Variants in UTRN observed in about 807,000 individuals in gnomAD.
The protein encoded by UTRN is utrophin.
UTRN carries 283 observed loss-of-function variants against 463.9 expected under a neutral mutation model. The ratio of observed to expected loss-of-function variants is 0.61; its 90% confidence interval spans 0.55 to 0.67. The LOEUF (loss-of-function observed/expected upper bound fraction) is 0.67. Ranked by LOEUF, UTRN falls within the 30% of genes least tolerant of loss-of-function variation. UTRN has a pLI of 0.00. For synonymous variants in UTRN, 1,442 were observed against 1,431.5 expected, an observed-to-expected ratio of 1.01 and a Z score of -0.17; for missense variants, 3,922 against 4,084.3, an observed-to-expected ratio of 0.96 and a Z score of 1.08.
chr6:144,711,396 C>T (rs1187580488), intron 53 of UTRN, among the ~76,000 whole-genome samples: 4 of 151,944 alleles, frequency 2.6e-5, no homozygotes, highest in Admixed American at 6.6e-5. Context: ...ATCTTCCCAT[C>T]TAATGACTTC....
chr6:144,389,855 T>A (rs1168139034), intron 2 of UTRN, among the ~76,000 whole-genome samples: 1 of 152,212 alleles, frequency 6.6e-6, no homozygotes, highest in East Asian at 1.9e-4. Context: ...CATCCTGGCC[T>A]CCCAAAGTGC....
chr6:144,658,394 A>G (rs1779538018), intron 51 of UTRN, among the ~76,000 whole-genome samples: 1 of 152,200 alleles, frequency 6.6e-6, no homozygotes, highest in Non-Finnish European at 1.5e-5. Context: ...AATAATACCA[A>G]CATTGTATAC....
intron 51 of UTRN, among the ~76,000 whole-genome samples, chr6:144,626,270 A>G (rs1775931527): frequency 6.6e-6 from 1 of 152,184 alleles, no homozygotes; most frequent in Non-Finnish European, 1.5e-5. Flanking sequence ...AACTCTCCTT[A>G]TCACAGGGTC....
At chr6:144,596,470 T>C (rs1332150854) in intron 51 of UTRN, among the ~76,000 whole-genome samples, 1 of 152,186 alleles carries the variant, frequency 6.6e-6, no homozygotes, top group African/African-American at 2.4e-5. Context: ...GAGTTAATCC[T>C]ATAGGATTAA....
At chr6:144,838,517 T>A (rs2128761607) in intron 71 of UTRN, among the ~76,000 whole-genome samples, 1 of 152,376 alleles carries the variant, frequency 6.6e-6, no homozygotes, top group South Asian at 2.1e-4. Flanking sequence ...CATATATTTG[T>A]CAGCGTATCC....
intron 2 of UTRN, among the ~76,000 whole-genome samples, chr6:144,364,814 G>A (rs1779371537): frequency 6.6e-6 from 1 of 152,218 alleles, no homozygotes; most frequent in Non-Finnish European, 1.5e-5. Flanking sequence ...GGCTGCCCAT[G>A]TTTCTTGGCT....
At chr6:144,782,787 T>A (rs531751144) in intron 61 of UTRN, among the ~76,000 whole-genome samples, 1 of 152,280 alleles carries the variant, frequency 6.6e-6, no homozygotes, top group Non-Finnish European at 1.5e-5. Context: ...AATACGACAG[T>A]ACATTTGTGA....
intron 37 of UTRN, among the ~76,000 whole-genome samples, chr6:144,515,198 C>G (rs1429047726): frequency 6.6e-6 from 1 of 152,200 alleles, no homozygotes; most frequent in Non-Finnish European, 1.5e-5. Flanking sequence ...AGCTGCTGCA[C>G]CCGGCCAACA....
chr6:144,414,491 T>G (rs1318309582), intron 3 of UTRN, among the ~76,000 whole-genome samples: 3 of 152,164 alleles, frequency 2.0e-5, no homozygotes, highest in Non-Finnish European at 4.4e-5. Flanking sequence ...GTCAAAAAAT[T>G]AAAGAAATTG....
intron 11 of UTRN, 21 bp from the exon 12 acceptor site, chr6:144,438,724 T>C (rs1786830769): frequency 6.2e-7 from 1 of 1,613,848 alleles, no homozygotes; most frequent in Non-Finnish European, 8.5e-7. Flanking sequence ...GTAGGAATAA[T>C]GCTGTGTTCC....
rs1027743152 is a variant in UTRN, at chr6:144,490,120, G to A, written c.4184G>A (p.Arg1395Lys). 6.2e-7 allele frequency: 1 copy of A among 1,613,600 alleles called. No individual in the cohort carries two copies. The highest frequency in any genetic ancestry group is 1.3e-5 in the African/African-American group (1 of 74,850). ...CATGAGCTAACCCTAGAGGAGTTGAGAAGAAATATGCGTTCTCAGCCCCTG... is the reference window on the plus strand; with the variant it reads ...CATGAGCTAACCCTAGAGGAGTTGAAAAGAAATATGCGTTCTCAGCCCCTG... ...SAHELTLEEL[R>K]RNMRSQPLTS... The change falls in exon 31 of 75, where the codon AGA (arginine) becomes AAA (lysine). Residue 1395 changes from arginine (R) to lysine (K), a missense_variant. Transcript: ENST00000367545.
chr6:144,796,613 T>C (rs1205196607), intron 63 of UTRN, among the ~76,000 whole-genome samples: 4 of 152,216 alleles, frequency 2.6e-5, no homozygotes. Flanking sequence ...AATTTGAAAC[T>C]GAGAAAGCAC....
intron 74 of UTRN, among the ~76,000 whole-genome samples, chr6:144,847,773 C>T (rs1782148717): frequency 1.3e-5 from 2 of 152,128 alleles, no homozygotes; most frequent in African/African-American, 4.8e-5. Context: ...TCTATCTTTG[C>T]AAGTAGCTGC....
At chr6:144,815,464 A>C (rs1778994398) in intron 65 of UTRN, among the ~76,000 whole-genome samples, 1 of 151,964 alleles carries the variant, frequency 6.6e-6, no homozygotes. Context: ...CTGAAGAGCA[A>C]GGAAGCCAGT....
At chr6:144,623,915 C>A (rs1261399547) in intron 51 of UTRN, among the ~76,000 whole-genome samples, 1 of 152,030 alleles carries the variant, frequency 6.6e-6, no homozygotes, top group Non-Finnish European at 1.5e-5. Flanking sequence ...AACTATATCT[C>A]TGGGGCAATA....
At chr6:144,517,321 C>T (rs547423630) in intron 39 of UTRN, among the ~76,000 whole-genome samples, 28 of 151,656 alleles carry the variant, frequency 1.8e-4, no homozygotes, top group Non-Finnish European at 3.7e-4. Context: ...GATTTATATT[C>T]TAGTAAAGAT....
intron 23 of UTRN, 128 bp downstream of exon 23, chr6:144,462,994 G>A: frequency 1.2e-6 from 1 of 839,092 alleles, no homozygotes; most frequent in Non-Finnish European, 1.8e-6. Context: ...ATGTATTTAA[G>A]TTGGGACTTA....
At chr6:144,476,388 G>A (rs1791202731) in intron 25 of UTRN, among the ~76,000 whole-genome samples, 1 of 151,998 alleles carries the variant, frequency 6.6e-6, no homozygotes. Flanking sequence ...AAGTAGTGAT[G>A]GAGGGCATGA....
intron 2 of UTRN, among the ~76,000 whole-genome samples, chr6:144,395,454 T>C (rs1379487269): frequency 2.7e-5 from 4 of 150,714 alleles, no homozygotes; most frequent in African/African-American, 9.8e-5. Context: ...TTTCAAACAG[T>C]GTCGGATGCC....
Sources: allele counts gnomAD v4.1 joint callset (sites outside exome capture counted in the v4.1 genomes callset), GRCh38; gene constraint gnomAD v4.1.1; transcripts MANE v1.5; gene names NCBI Gene and HGNC (gene_info 2026-07-23, HGNC 2026-07-21).